FGD3: variants seen among roughly 807,000 people sequenced by gnomAD.
FGD3 encodes the protein FYVE, RhoGEF and PH domain containing 3.
A neutral mutation model predicts 71.8 loss-of-function variants in FGD3; 45 were observed. The observed-to-expected ratio is 0.63, with a 90% CI of 0.49 to 0.80. The LOEUF is 0.80. Ranked by LOEUF, FGD3 falls within the 30% of genes least tolerant of loss-of-function variation. The pLI is 0.00. For synonymous variants in FGD3, 378 were observed against 392.8 expected, an observed-to-expected ratio of 0.96 and a Z score of 0.44; for missense variants, 844 against 951.5, an observed-to-expected ratio of 0.89 and a Z score of 1.49.
intron 7 of FGD3, 56 bp from the exon 8 acceptor site, chr9:93,011,158 G>C: frequency 6.3e-7 from 1 of 1,588,374 alleles, no homozygotes; most frequent in Non-Finnish European, 8.6e-7. Context: ...AGCCCCTCAG[G>C]CAAGCAAAAA....
At chr9:92,949,248 C>T (rs1429132988) in intron 1 of FGD3, among the ~76,000 whole-genome samples, 3 of 152,136 alleles carry the variant, frequency 2.0e-5, no homozygotes, top group Non-Finnish European at 4.4e-5. Flanking sequence ...GGCCTCATCC[C>T]GTGGACCAGT....
chr9:92,982,616 T>G (rs976895191), intron 3 of FGD3, among the ~76,000 whole-genome samples: 70 of 150,846 alleles, frequency 4.6e-4, no homozygotes, highest in African/African-American at 1.7e-3. Flanking sequence ...CAGGCTAGAG[T>G]GCAACGGCAA....
At chr9:92,990,366 CAG>C (rs990874862) in intron 3 of FGD3, among the ~76,000 whole-genome samples, 2 of 152,186 alleles carry the variant, frequency 1.3e-5, no homozygotes, top group African/African-American at 4.8e-5. Context: ...AATCTGCAAA[CAG>C]GGACAATTTG....
chr9:93,016,405 G>A (rs1181335723), intron 10 of FGD3, among the ~76,000 whole-genome samples: 2 of 135,078 alleles, frequency 1.5e-5, no homozygotes, highest in African/African-American at 5.8e-5. Context: ...TGGCATGATC[G>A]TGGCTCACTG....
intron 14 of FGD3, among the ~76,000 whole-genome samples, chr9:93,026,167 G>T (rs1000065343): frequency 6.6e-6 from 1 of 152,194 alleles, no homozygotes; most frequent in East Asian, 1.9e-4. Context: ...GGGCAGCCCC[G>T]TTGGCCCTTG....
Position 93,031,892 on chromosome 9 carries a change from G to A in FGD3, c.1681-877G>A, listed in dbSNP as rs140242413. 6.6e-4 allele frequency among the ~76,000 whole-genome samples: 101 copies of A among 152,198 alleles called. 1 individual carries two copies. Among genetic ancestry groups the A allele is most frequent in the African/African-American group, 1.8e-3 (74 of 41,520 alleles). ...AGGATCCAGCAGAGGGAGGGAGACC[G>A]AGGCAGAGAGAGACAGGACCACCGA... On this transcript the variant is annotated intron_variant, in intron 15 of 17. Coordinates refer to ENST00000375482, the MANE Select transcript of FGD3 (RefSeq NM_001083536.2).
chr9:93,032,279 T>A (rs953830736), intron 15 of FGD3: 1 of 164,704 alleles, frequency 6.1e-6, no homozygotes, highest in East Asian at 1.7e-4. Context: ...ACCCTACTGC[T>A]TCCCACAGAG....
At chr9:93,011,078 G>C (rs1329360120) in intron 7 of FGD3, 136 bp from the exon 8 acceptor site, 12 of 874,978 alleles carry the variant, frequency 1.4e-5, no homozygotes, top group Non-Finnish European at 2.1e-5. Flanking sequence ...CAGTCCTCTA[G>C]AGTAGCCCAG....
chr9:93,019,069 G>A (rs967083571), intron 11 of FGD3, among the ~76,000 whole-genome samples: 2 of 151,986 alleles, frequency 1.3e-5, no homozygotes, highest in Admixed American at 6.6e-5. Flanking sequence ...GGCTGGTCTC[G>A]AACTCTTGAC....
At chr9:93,025,259 C>A (rs1461987364) in intron 14 of FGD3, among the ~76,000 whole-genome samples, 1 of 152,238 alleles carries the variant, frequency 6.6e-6, no homozygotes, top group Non-Finnish European at 1.5e-5. Flanking sequence ...GGTCTCTTGT[C>A]TCTGTCCCTT....
chr9:93,015,803 G>A lies in FGD3; in HGVS notation c.1249G>A (p.Glu417Lys), dbSNP rs1355195295. ...CATGGGCCAGAAGTTCAGCGTCCGGGAGAAGATGGACATCTCAGGCCTCCA... is the reference window on the plus strand; with the variant it reads ...CATGGGCCAGAAGTTCAGCGTCCGGAAGAAGATGGACATCTCAGGCCTCCA... ...RLMGQKFSVR[E>K]KMDISGLQVQ... Residue 417 changes from glutamate to lysine, a missense_variant, in exon 10 of 18, where the codon GAG (glutamate) becomes AAG (lysine). Transcript: ENST00000375482. 2 of 1,614,166 alleles carry A rather than the reference G, an allele frequency of 1.2e-6. No individual in the cohort carries two copies. Among genetic ancestry groups the A allele is most frequent in the East Asian group, 4.5e-5 (2 of 44,874 alleles).
intron 1 of FGD3, among the ~76,000 whole-genome samples, chr9:92,964,819 TG>T (rs1190850866): frequency 1.3e-5 from 2 of 151,940 alleles, no homozygotes; most frequent in Non-Finnish European, 1.5e-5. Flanking sequence ...CACCCAGGCC[TG>T]GGGGGCGGGG....
chr9:93,007,172 G>T (rs919843265), intron 6 of FGD3, among the ~76,000 whole-genome samples: 2 of 149,868 alleles, frequency 1.3e-5, no homozygotes, highest in East Asian at 2.0e-4. Context: ...TTCACTGTAA[G>T]CTCCGCCTCC....
At chr9:92,985,300 T>C (rs1411916552) in intron 3 of FGD3, among the ~76,000 whole-genome samples, 1 of 152,222 alleles carries the variant, frequency 6.6e-6, no homozygotes, top group East Asian at 1.9e-4. Flanking sequence ...ACTTCTCTTT[T>C]TCCTTAGCCC....
chr9:92,999,003 C>T (rs1860753944), intron 3 of FGD3, among the ~76,000 whole-genome samples: 2 of 152,204 alleles, frequency 1.3e-5, no homozygotes, highest in South Asian at 2.1e-4. Context: ...TCAAAGCTGT[C>T]AGACAGGGAC....
Position 92,976,490 on chromosome 9 carries a change from C to T in FGD3, c.234C>T (p.Ile78=), listed in dbSNP as rs1005597419. ...AGATCCCCAACCGGGACAGCGGGAT[C>T]GACAGTCCCTCCTCCAGTGTGGCTG... is the stretch of plus-strand genomic sequence containing the variant. ...SLKIPNRDSG[I]DSPSSSVAGE... The change falls in exon 3 of 18, where the codon ATC becomes ATT. Residue 78 remains isoleucine (I), a synonymous_variant. Coordinates refer to ENST00000375482, the MANE Select transcript of FGD3 (RefSeq NM_001083536.2). 9.9e-6 allele frequency: 16 copies of T among 1,612,070 alleles called. No individual in the cohort carries two copies. The highest frequency in any genetic ancestry group is 4.0e-5 in the African/African-American group (3 of 74,904).
Position 93,003,049 on chromosome 9 carries a change from T to C in FGD3, c.543+35T>C, listed in dbSNP as rs752591220. 2 of 1,586,346 alleles carry C rather than the reference T, an allele frequency of 1.3e-6. No homozygotes were observed. Among genetic ancestry groups the C allele is most frequent in the Admixed American group, 3.3e-5 (2 of 59,950 alleles). On this transcript the variant is annotated intron_variant, in intron 4 of 17. Transcript: ENST00000375482. This position sits in a 1 kb window ranked among gnomAD's most constrained non-coding sequence, Gnocchi z 4.1. ...ATGGCTTGGGGGCAGTTTCAGTATC[T>C]CTTAGCATTGGCTGGGCATTATAGG...
intron 3 of FGD3, 90 bp downstream of exon 3, chr9:92,976,799 T>A: frequency 7.5e-7 from 1 of 1,332,900 alleles, no homozygotes; most frequent in Non-Finnish European, 1.0e-6. Context: ...TCCCACACCT[T>A]GTTTCCAGGA....
chr9:93,007,735 G>C (rs1476368698), intron 6 of FGD3, among the ~76,000 whole-genome samples: 3 of 152,264 alleles, frequency 2.0e-5, no homozygotes, highest in African/African-American at 7.2e-5. Context: ...CAGGCAGGCT[G>C]TGGGGAGGGC....
Sources: allele counts gnomAD v4.1 joint callset (sites outside exome capture counted in the v4.1 genomes callset), GRCh38; gene constraint gnomAD v4.1.1; non-coding constraint Gnocchi (gnomAD v3.1); transcripts MANE v1.5; gene names NCBI Gene and HGNC (gene_info 2026-07-23, HGNC 2026-07-21).